The following CIB1 variants were observed in gnomAD, a reference collection of about 807,000 sequenced individuals.
CIB1 encodes calcium and integrin binding 1, also known as calcium and integrin-binding protein 1.
CIB1 carries 19 observed loss-of-function variants against 25.0 expected under a neutral mutation model. That is an observed-to-expected ratio of 0.76 (90% CI 0.53 to 1.12). CIB1 has a LOEUF of 1.12. CIB1 is among the 50% of genes most tolerant of loss of function. The pLI, the probability that CIB1 is intolerant of heterozygous loss-of-function variation, is 0.00. For missense variants in CIB1, 236 were observed against 242.6 expected (o/e 0.97, Z 0.18); for synonymous variants, 104 against 98.5 (o/e 1.06, Z -0.33).
the CIB1 span, chr15:90,257,604 C>A: frequency 6.2e-7 from 1 of 1,600,114 alleles, no homozygotes; most frequent in Non-Finnish European, 8.6e-7. Flanking sequence ...CGCATGCAGA[C>A]AGTCTGAGAC....
the CIB1 span, chr15:90,240,962 T>G: frequency 1.9e-6 from 3 of 1,613,954 alleles, no homozygotes; most frequent in East Asian, 6.7e-5. Context: ...CTCCCAACAA[T>G]GAGGACTGGG....
chr15:90,248,231 G>T, the CIB1 span, among the ~76,000 whole-genome samples: 1 of 152,188 alleles, frequency 6.6e-6, no homozygotes, highest in African/African-American at 2.4e-5. Flanking sequence ...TTGAGGAGAT[G>T]AGGAAGGCTG....
the CIB1 span, chr15:90,243,482 G>A: frequency 6.6e-6 from 1 of 152,174 alleles, no homozygotes; most frequent in East Asian, 1.9e-4. Context: ...GAGTAGCTGG[G>A]ACGATAGGTG....
chr15:90,256,598 TTTCTTTCTTTCCTTCCTTCC>T, the CIB1 span, among the ~76,000 whole-genome samples: 29 of 31,328 alleles, frequency 9.3e-4, 1 homozygote, highest in African/African-American at 1.8e-3. Flanking sequence ...TCTTTCTTTC[TTTCTTTCTTTCCTTCCTTCC>T]TTCCTTCCTT....
upstream of CIB1, among the ~76,000 whole-genome samples, chr15:90,238,715 C>G (rs1349090790): frequency 6.6e-6 from 1 of 152,174 alleles, no homozygotes; most frequent in Non-Finnish European, 1.5e-5. Flanking sequence ...CATCCTCACC[C>G]AAATGTTTCT....
the CIB1 span, among the ~76,000 whole-genome samples, chr15:90,246,248 G>A: frequency 6.6e-6 from 1 of 151,954 alleles, no homozygotes; most frequent in Non-Finnish European, 1.5e-5. Context: ...ACTCCAGCCT[G>A]GGTGACAGAG....
chr15:90,252,524 T>C, the CIB1 span, among the ~76,000 whole-genome samples: 1 of 152,190 alleles, frequency 6.6e-6, no homozygotes, highest in Non-Finnish European at 1.5e-5. Flanking sequence ...AAAACAGTTT[T>C]TTCAAGGAAG....
the CIB1 span, among the ~76,000 whole-genome samples, chr15:90,251,280 A>ATTTTT: frequency 7.3e-3 from 804 of 109,476 alleles, 25 homozygotes; most frequent in African/African-American, 0.025. Flanking sequence ...CGCATGGCAA[A>ATTTTT]TTTTTTTTTT....
intron 2 of CIB1, 70 bp from the exon 3 acceptor site, chr15:90,232,397 G>A: frequency 6.6e-7 from 1 of 1,508,614 alleles, no homozygotes; most frequent in African/African-American, 1.4e-5. Flanking sequence ...CCCACTCCTT[G>A]CCTGCTGCTC....
At chr15:90,262,540 G>C in the CIB1 span, 1 of 1,529,798 alleles carries the variant, frequency 6.5e-7, no homozygotes, top group South Asian at 1.2e-5. Flanking sequence ...AGGAGACCTC[G>C]GGCACTAAGA....
At chr15:90,250,791 C>A in the CIB1 span, 9 of 1,614,184 alleles carry the variant, frequency 5.6e-6, no homozygotes, top group Non-Finnish European at 7.6e-6. Context: ...GGGGTTCCCT[C>A]ACCCATTATG....
chr15:90,262,681 T>C, the CIB1 span: 1 of 1,467,012 alleles, frequency 6.8e-7, no homozygotes, highest in African/African-American at 1.4e-5. Context: ...TGCCAGGGGT[T>C]TTGTAGCTCT....
At chr15:90,248,756 A>G in the CIB1 span, among the ~76,000 whole-genome samples, 1 of 123,544 alleles carries the variant, frequency 8.1e-6, no homozygotes, top group Non-Finnish European at 1.7e-5. Flanking sequence ...AAAAAAAAAA[A>G]AAGTCCATGT....
the CIB1 span, chr15:90,250,964 G>A: frequency 2.0e-6 from 3 of 1,527,278 alleles, 1 homozygote; most frequent in South Asian, 2.5e-5. Flanking sequence ...ATCTGGAGGA[G>A]CTGGGATCTC....
the CIB1 span, chr15:90,244,851 G>T: frequency 6.6e-6 from 1 of 152,116 alleles, no homozygotes; most frequent in South Asian, 2.1e-4. Context: ...CTTGGGTCCA[G>T]CTCTCAACAG....
At chr15:90,235,630 T>C (rs149717775), upstream of CIB1, among the ~76,000 whole-genome samples, 3,725 of 152,156 alleles carry the variant, frequency 0.024, 146 homozygotes, top group African/African-American at 0.081. Flanking sequence ...TGCAGTGGCA[T>C]GATCTTGGCT....
chr15:90,254,568 C>T, the CIB1 span, among the ~76,000 whole-genome samples: 2 of 135,914 alleles, frequency 1.5e-5, no homozygotes, highest in African/African-American at 5.1e-5. Flanking sequence ...GCACGGTGGA[C>T]GGTGGCTCTC....
Position 90,230,202 on chromosome 15 carries a change from G to C in CIB1, c.*282C>G, listed in dbSNP as rs1962441531. On this transcript the variant is annotated 3_prime_UTR_variant, in exon 7 of 7. Transcript: ENST00000328649. ...AGGATGATTGAAGGCTCTTAGAAGAGAAGTCCAGTCCTTCCTCATACCAGT... is the reference window on the plus strand; with the variant it reads ...AGGATGATTGAAGGCTCTTAGAAGACAAGTCCAGTCCTTCCTCATACCAGT... 2.0e-6 allele frequency: 1 copy of C among 502,828 alleles called. No individual in the cohort carries two copies. 31.1% of individuals were successfully genotyped at this position (502,828 alleles called of 1,614,324 possible).
At chr15:90,259,257 T>C in the CIB1 span, among the ~76,000 whole-genome samples, 1 of 151,890 alleles carries the variant, frequency 6.6e-6, no homozygotes, top group African/African-American at 2.4e-5. Context: ...CTGGGCATGG[T>C]GACATGCCTG....
Sources: allele counts gnomAD v4.1 joint callset (sites outside exome capture counted in the v4.1 genomes callset), GRCh38; gene constraint gnomAD v4.1.1; transcripts MANE v1.5; gene names NCBI Gene and HGNC (gene_info 2026-07-23, HGNC 2026-07-21).